Variants in DOCK3 observed in about 807,000 individuals in gnomAD.
DOCK3 encodes dedicator of cytokinesis 3, also known as dedicator of cytokinesis protein 3.
In DOCK3, 60 loss-of-function variants were observed where a neutral mutation model predicts 265.6. The ratio of observed to expected loss-of-function variants is 0.23; its 90% CI spans 0.18 to 0.28. The LOEUF (loss-of-function observed/expected upper bound fraction) is 0.28, where lower values mean the gene tolerates loss of function less well. Among genes scored for constraint, DOCK3 ranks in the 10% least tolerant of loss-of-function variants. The pLI is 1.00. For missense variants in DOCK3, 1,981 were observed against 2,594.3 expected, an observed-to-expected ratio of 0.76 and a Z score of 5.14; for synonymous variants, 881 against 938.0, an observed-to-expected ratio of 0.94 and a Z score of 1.11.
intron 41 of DOCK3, 150 bp from the exon 42 acceptor site, chr3:51,355,939 C>A: frequency 1.1e-6 from 1 of 876,300 alleles, no homozygotes; most frequent in Non-Finnish European, 1.8e-6. Flanking sequence ...TGGGTCTGAT[C>A]TGCCCCTAGA....
At chr3:51,277,080 C>T (rs1301184313) in intron 25 of DOCK3, among the ~76,000 whole-genome samples, 2 of 152,248 alleles carry the variant, frequency 1.3e-5, no homozygotes, top group East Asian at 3.9e-4. Flanking sequence ...GCAGTCCCGG[C>T]TGGCAAAAAT....
At chr3:51,095,343 A>G (rs2109638399) in intron 9 of DOCK3, among the ~76,000 whole-genome samples, 1 of 152,280 alleles carries the variant, frequency 6.6e-6, no homozygotes, top group Middle Eastern at 3.4e-3. Context: ...GAGCCCTTGT[A>G]AGGCAGGCTT....
intron 22 of DOCK3, among the ~76,000 whole-genome samples, chr3:51,248,101 C>G (rs1032444407): frequency 1.3e-5 from 2 of 152,204 alleles, no homozygotes; most frequent in Non-Finnish European, 2.9e-5. Context: ...ACTGGAGATT[C>G]AGCAGGGGCC....
chr3:51,031,025 T>C (rs1368789266), intron 5 of DOCK3, among the ~76,000 whole-genome samples: 2 of 152,234 alleles, frequency 1.3e-5, no homozygotes, highest in Non-Finnish European at 2.9e-5. Context: ...AAAGGTATGC[T>C]TTGTACTTTT....
intron 38 of DOCK3, 66 bp from the exon 39 acceptor site, chr3:51,348,786 G>A: frequency 4.0e-6 from 6 of 1,485,566 alleles, no homozygotes; most frequent in Non-Finnish European, 5.5e-6. Context: ...CTTCTGATGT[G>A]TTTAATGTGG....
intron 5 of DOCK3, among the ~76,000 whole-genome samples, chr3:50,953,300 TCTA>T (rs1316094758): frequency 2.6e-5 from 4 of 152,148 alleles, no homozygotes; most frequent in Non-Finnish European, 4.4e-5. Context: ...GGCTGCTTGA[TCTA>T]CTACATTTCC....
At chr3:50,783,322 C>T (rs2042021486) in intron 2 of DOCK3, among the ~76,000 whole-genome samples, 1 of 152,122 alleles carries the variant, frequency 6.6e-6, no homozygotes, top group Admixed American at 6.6e-5. Context: ...CTTTTCACCA[C>T]ATCCGTGCCA....
chr3:51,130,276 G>A (rs2084463659), intron 9 of DOCK3, among the ~76,000 whole-genome samples: 1 of 152,218 alleles, frequency 6.6e-6, no homozygotes, highest in South Asian at 2.1e-4. Context: ...AGTGAAAAGT[G>A]ATGAAGGTCT....
intron 13 of DOCK3, among the ~76,000 whole-genome samples, chr3:51,212,678 CA>C (rs2089582886): frequency 6.6e-6 from 1 of 152,158 alleles, no homozygotes; most frequent in East Asian, 1.9e-4. Flanking sequence ...TTCTGGCTCC[CA>C]GGCTTTCAGG....
At chr3:50,829,392 T>C (rs548659716) in intron 2 of DOCK3, among the ~76,000 whole-genome samples, 1 of 152,216 alleles carries the variant, frequency 6.6e-6, no homozygotes, top group South Asian at 2.1e-4. Context: ...TTTCTTGGAA[T>C]CCTGTATGCC....
chr3:51,309,104 G>A (rs969815761), intron 27 of DOCK3, among the ~76,000 whole-genome samples: 6 of 151,772 alleles, frequency 4.0e-5, no homozygotes, highest in Middle Eastern at 3.4e-3. Flanking sequence ...TCCAGACTGC[G>A]CAGCCAGGCA....
At chr3:51,035,923 C>T (rs1161081845) in intron 5 of DOCK3, among the ~76,000 whole-genome samples, 1 of 152,112 alleles carries the variant, frequency 6.6e-6, no homozygotes, top group Non-Finnish European at 1.5e-5. Context: ...AGGCTTTCTC[C>T]TTTTTAGTAT....
chr3:51,330,557 G>A (rs565745167), intron 33 of DOCK3, among the ~76,000 whole-genome samples: 1 of 152,268 alleles, frequency 6.6e-6, no homozygotes, highest in South Asian at 2.1e-4. Flanking sequence ...CTCAATGCTG[G>A]CATTTCAAGG....
intron 9 of DOCK3, among the ~76,000 whole-genome samples, chr3:51,099,756 A>C (rs1560061183): frequency 6.6e-6 from 1 of 152,252 alleles, no homozygotes; most frequent in Non-Finnish European, 1.5e-5. Context: ...GTAGGGACAG[A>C]CAGTAAATAG....
intron 22 of DOCK3, among the ~76,000 whole-genome samples, chr3:51,256,593 GTTTTTTT>G (rs74193219): frequency 7.9e-6 from 1 of 126,800 alleles, no homozygotes; most frequent in East Asian, 2.3e-4. Flanking sequence ...TTTCGTTTTT[GTTTTTTT>G]TTTTTTTTTT....
intron 27 of DOCK3, among the ~76,000 whole-genome samples, chr3:51,299,872 C>T (rs1386571968): frequency 6.6e-6 from 1 of 152,064 alleles, no homozygotes; most frequent in East Asian, 1.9e-4. Flanking sequence ...GTTCTTTTTG[C>T]TTAGGATTAT....
chr3:51,054,530 G>C (rs2081127334), intron 5 of DOCK3, among the ~76,000 whole-genome samples: 1 of 152,074 alleles, frequency 6.6e-6, no homozygotes, highest in South Asian at 2.1e-4. Flanking sequence ...CATTTTGTTT[G>C]TATTTCATTT....
intron 1 of DOCK3, among the ~76,000 whole-genome samples, chr3:50,773,259 A>G (rs181592887): frequency 2.6e-5 from 4 of 152,264 alleles, no homozygotes; most frequent in African/African-American, 9.6e-5. Flanking sequence ...CTAGACTCCT[A>G]TCTCTTACCA....
At chr3:51,366,749 C>T (rs936467759) in intron 49 of DOCK3, among the ~76,000 whole-genome samples, 5 of 152,172 alleles carry the variant, frequency 3.3e-5, no homozygotes, top group African/African-American at 9.7e-5. Flanking sequence ...GTTATGTACC[C>T]AGTAGTCATT....
Sources: gnomAD v4.1 joint callset for allele counts (sites outside exome capture counted in the v4.1 genomes callset) on GRCh38, gnomAD v4.1.1 for gene constraint, MANE v1.5 for transcripts, NCBI Gene and HGNC (gene_info 2026-07-23, HGNC 2026-07-21) for gene names.